NSMAF: variants seen among roughly 807,000 people sequenced by gnomAD.
The protein encoded by NSMAF is neutral sphingomyelinase activation associated factor.
NSMAF carries 90 observed loss-of-function variants against 134.9 expected under a neutral mutation model. The observed-to-expected ratio is 0.67, with a 90% CI of 0.56 to 0.79. NSMAF has a LOEUF of 0.79. Ranked by LOEUF, NSMAF falls within the 30% of genes least tolerant of loss-of-function variation. The pLI, the probability that NSMAF is intolerant of heterozygous loss-of-function variation, is 0.00. For synonymous variants in NSMAF, 358 were observed against 389.6 expected (o/e 0.92, Z 0.96); for missense variants, 1,010 against 1,119.0 (o/e 0.90, Z 1.39).
intron 9 of NSMAF, among the ~76,000 whole-genome samples, chr8:58,611,126 G>T (rs1049607445): frequency 1.3e-5 from 2 of 152,136 alleles, no homozygotes; most frequent in Non-Finnish European, 2.9e-5. Context: ...AAATTATAAT[G>T]CATAACAAAG....
chr8:58,623,492 C>T (rs1228780984), intron 7 of NSMAF, 68 bp from the exon 8 acceptor site: 1 of 1,446,572 alleles, frequency 6.9e-7, no homozygotes, highest in Non-Finnish European at 9.7e-7. Flanking sequence ...TCTTTAGAAG[C>T]AATGAGAAAC....
Position 58,602,112 on chromosome 8 carries a change from C to T in NSMAF, c.1071G>A (p.Arg357=), listed in dbSNP as rs1806298203. 1 of 1,613,526 alleles carries T rather than the reference C, an allele frequency of 6.2e-7. No individual in the cohort carries two copies. Among genetic ancestry groups the T allele is most frequent in the Non-Finnish European group, 8.5e-7 (1 of 1,179,574 alleles). Residue 357 remains arginine (R), a synonymous_variant, in exon 14 of 31, where the codon CGG becomes CGA. Coordinates refer to ENST00000038176, the MANE Select transcript of NSMAF (RefSeq NM_003580.4). ...ELDLSNPGTF[R]DLSKPVGALN... ...GGGCCCCTACTGGCTTACTGAGATC[C>T]CGGAAGGTTCCTGGATTTGACAAAT...
In NSMAF at chr8:58,585,663, T is replaced by C; in HGVS notation, c.2648A>G (p.Gln883Arg). Residue 883 changes from glutamine (Q) to arginine (R), a missense_variant, in exon 30 of 31, where the codon CAG becomes CGG. Physicochemically the swap from Gln to Arg is conservative, Grantham distance 43. Coordinates refer to ENST00000038176, the MANE Select transcript of NSMAF (RefSeq NM_003580.4). ...CAGTAGCTGCTTACCTGTGTGGCCC[T>C]GTATTCTCTCACTGATTTTTGCTCC... The part of the protein sequence containing the change: ...LLGAKISERI[Q>R]GHTGAVTCIW... 1 of 1,612,604 alleles carries C rather than the reference T, an allele frequency of 6.2e-7. No homozygotes were observed. The highest frequency in any genetic ancestry group is 8.5e-7 in the Non-Finnish European group (1 of 1,178,608).
At chr8:58,657,272 T>C (rs1318976786) in intron 1 of NSMAF, among the ~76,000 whole-genome samples, 1 of 152,208 alleles carries the variant, frequency 6.6e-6, no homozygotes, top group African/African-American at 2.4e-5. Context: ...CAAGTTTCTT[T>C]TCTGGGGTCA....
Position 58,650,509 on chromosome 8 carries a change from A to AGTT in NSMAF, c.60-7437_60-7436insAAC, listed in dbSNP as rs368885379. ...GCCTGATTTTCTGTAACTCCTCACA[A>AGTT]AAGATCATTTGGATTAGATGTTCTT... On this transcript the variant is annotated intron_variant, in intron 1 of 30. Transcript: ENST00000038176. Among the ~76,000 whole-genome samples the AGTT allele has an allele frequency of 2.0e-5, 3 of 152,240 alleles. No individual in the cohort carries two copies. In the East Asian group the frequency reaches 5.8e-4, roughly 29 times the overall value.
intron 1 of NSMAF, chr8:58,659,046 G>A (rs1052757261): frequency 1.4e-5 from 9 of 655,652 alleles, no homozygotes; most frequent in Non-Finnish European, 2.2e-5. Flanking sequence ...TAAAGGAGTC[G>A]GCAGGAAAAA....
intron 16 of NSMAF, among the ~76,000 whole-genome samples, chr8:58,600,346 A>C (rs1806250602): frequency 6.6e-6 from 1 of 152,010 alleles, no homozygotes. Context: ...CACCACTGGT[A>C]GGGCGCGGTG....
chr8:58,595,504 G>C, intron 22 of NSMAF, 56 bp downstream of exon 22: 1 of 1,228,416 alleles, frequency 8.1e-7, no homozygotes, highest in Admixed American at 1.7e-5. Context: ...CCCATGCCAA[G>C]ACCCTAACTT....
intron 30 of NSMAF, among the ~76,000 whole-genome samples, chr8:58,584,761 T>C (rs1296480644): frequency 6.6e-6 from 1 of 152,174 alleles, no homozygotes; most frequent in Non-Finnish European, 1.5e-5. Flanking sequence ...CTTAGCCTCT[T>C]AAGTAGCTGG....
At chr8:58,651,078 C>T (rs577384118) in intron 1 of NSMAF, among the ~76,000 whole-genome samples, 4 of 152,300 alleles carry the variant, frequency 2.6e-5, no homozygotes, top group Non-Finnish European at 5.9e-5. Flanking sequence ...AGCCCACTGC[C>T]TCACCTCCTG....
At chr8:58,616,101 C>T (rs1806646900) in intron 9 of NSMAF, among the ~76,000 whole-genome samples, 2 of 152,134 alleles carry the variant, frequency 1.3e-5, no homozygotes, top group Non-Finnish European at 2.9e-5. Context: ...ACAGAAGAAA[C>T]AGACAAATGC....
At chr8:58,588,795 T>G (rs889114112) in intron 26 of NSMAF, 9 of 960,708 alleles carry the variant, frequency 9.4e-6, no homozygotes, top group African/African-American at 6.4e-5. Flanking sequence ...AGAGCTAACT[T>G]GACATTTTCT....
intron 16 of NSMAF, among the ~76,000 whole-genome samples, chr8:58,600,879 T>C (rs990106698): frequency 6.6e-6 from 1 of 152,138 alleles, no homozygotes; most frequent in Non-Finnish European, 1.5e-5. Context: ...CAGGGAGCTG[T>C]ATTCAATTCA....
chr8:58,596,814 G>A (rs1348213045), intron 21 of NSMAF, among the ~76,000 whole-genome samples: 4 of 152,034 alleles, frequency 2.6e-5, no homozygotes, highest in Non-Finnish European at 4.4e-5. Context: ...TGTAGTCCCA[G>A]CTACTCAGGA....
intron 1 of NSMAF, among the ~76,000 whole-genome samples, chr8:58,658,576 A>G (rs190793916): frequency 6.6e-6 from 1 of 152,348 alleles, no homozygotes; most frequent in Non-Finnish European, 1.5e-5. Context: ...CTTTGCTGGT[A>G]TTCACTGATG....
At position 58,643,534 on chromosome 8, in the gene NSMAF, CTTT is replaced by C. The variant is rs71767302; in HGVS notation, c.60-464_60-462del. Among the ~76,000 whole-genome samples the C allele has an allele frequency of 1.1e-4, 15 of 140,998 alleles. 1 individual carries two copies. The highest frequency in any genetic ancestry group is 2.8e-4 in the Admixed American group (4 of 14,164). The allele number at this position is 140,998 out of a possible 152,430, so 92.5% of individuals were successfully genotyped here. ...AGAACACATGCCTCTAGGGACAGAT[CTTT>C]TTTTTTTTTTTTGGGACGGAGTTTC... On this transcript the variant is annotated intron_variant, in intron 1 of 30. Transcript: ENST00000038176.
At chr8:58,649,639 T>C (rs1328540318) in intron 1 of NSMAF, among the ~76,000 whole-genome samples, 1 of 152,174 alleles carries the variant, frequency 6.6e-6, no homozygotes, top group East Asian at 1.9e-4. Context: ...CCCTTGGTAA[T>C]AAGTGAGTTC....
At chr8:58,656,101 C>G (rs1018648169) in intron 1 of NSMAF, among the ~76,000 whole-genome samples, 1 of 151,824 alleles carries the variant, frequency 6.6e-6, no homozygotes, top group African/African-American at 2.4e-5. Flanking sequence ...TCACTACAAC[C>G]TCCGCCTCCC....
At chr8:58,635,397 AT>A in intron 3 of NSMAF, 25 bp from the exon 4 acceptor site, 1 of 1,581,658 alleles carries the variant, frequency 6.3e-7, no homozygotes, top group Non-Finnish European at 8.6e-7. Context: ...GAGAAATATT[AT>A]AAAAATCAAG....
Sources: allele counts gnomAD v4.1 joint callset (sites outside exome capture counted in the v4.1 genomes callset), GRCh38; gene constraint gnomAD v4.1.1; transcripts MANE v1.5; gene names NCBI Gene and HGNC (gene_info 2026-07-23, HGNC 2026-07-21).